The following GLRX3 variants were observed in gnomAD, a reference collection of about 807,000 sequenced individuals.
The protein encoded by GLRX3 is glutaredoxin 3.
A neutral mutation model predicts 49.5 loss-of-function variants in GLRX3; 22 were observed. The observed-to-expected ratio is 0.44, with a 90% CI of 0.32 to 0.63. The LOEUF (loss-of-function observed/expected upper bound fraction) is 0.63. Ranked by LOEUF, GLRX3 falls within the 30% of genes least tolerant of loss-of-function variation. The pLI, the probability that GLRX3 is intolerant of heterozygous loss-of-function variation, is 0.05. For missense variants in GLRX3, 385 were observed against 396.3 expected, an observed-to-expected ratio of 0.97 and a Z score of 0.24; for synonymous variants, 133 against 140.0, an observed-to-expected ratio of 0.95 and a Z score of 0.35.
intron 2 of GLRX3, among the ~76,000 whole-genome samples, chr10:130,148,610 A>G (rs1469276305): frequency 6.6e-6 from 1 of 151,850 alleles, no homozygotes; most frequent in East Asian, 1.9e-4. Flanking sequence ...ACAATTTCTT[A>G]TTTTGTAGGA....
At position 130,179,336 on chromosome 10, in the gene GLRX3, T is replaced by G; in HGVS notation, c.958-6T>G. On this transcript the variant is annotated splice_polypyrimidine_tract_variant and splice_region_variant and intron_variant, in intron 10 of 10. Transcript: ENST00000331244. The stretch of plus-strand genomic sequence containing the variant: ...ACATATTATTATTGTTGTTTTTTAT[T>G]TTTAGGAACTGAAAGAAAATGGTGA... 1 of 1,333,630 alleles carries G rather than the reference T, an allele frequency of 7.5e-7. No homozygotes were observed. The highest frequency in any genetic ancestry group is 1.3e-5 in the South Asian group (1 of 79,878). The allele number at this position is 1,333,630 out of a possible 1,614,324, so 82.6% of individuals were successfully genotyped here.
intron 1 of GLRX3, among the ~76,000 whole-genome samples, chr10:130,143,004 G>A (rs1266236371): frequency 6.6e-6 from 1 of 152,168 alleles, no homozygotes; most frequent in Non-Finnish European, 1.5e-5. Context: ...TATATCAGGT[G>A]CAGACTTCTT....
chr10:130,172,639 A>T (rs1209702984), intron 8 of GLRX3, among the ~76,000 whole-genome samples: 2 of 152,306 alleles, frequency 1.3e-5, no homozygotes, highest in East Asian at 1.9e-4. Context: ...ATACAATTTC[A>T]GGGACATAAA....
intron 2 of GLRX3, among the ~76,000 whole-genome samples, chr10:130,158,234 A>G (rs1862513803): frequency 6.7e-6 from 1 of 149,476 alleles, no homozygotes; most frequent in Non-Finnish European, 1.5e-5. Context: ...TTTTTTTGAG[A>G]CGGAGTTTTG....
chr10:130,160,458 C>T (rs1467651269), intron 3 of GLRX3, among the ~76,000 whole-genome samples: 2 of 152,158 alleles, frequency 1.3e-5, no homozygotes, highest in East Asian at 3.9e-4. Context: ...AGGTGCACAC[C>T]TGTGCTTCCA....
At chr10:130,178,515 A>T (rs1862965417) in intron 10 of GLRX3, among the ~76,000 whole-genome samples, 1 of 151,922 alleles carries the variant, frequency 6.6e-6, no homozygotes, top group Admixed American at 6.6e-5. Flanking sequence ...TGGCCTCTTA[A>T]AGTGCTGGGA....
In GLRX3 at chr10:130,143,457, ATAATTT is replaced by A. The variant is rs1314759475; in HGVS notation, c.93-1752_93-1747del. Among the ~76,000 whole-genome samples, 4 of 152,190 alleles carry A rather than the reference ATAATTT, an allele frequency of 2.6e-5. No individual in the cohort carries two copies. In the East Asian group the frequency reaches 7.7e-4, roughly 29 times the overall value. ...TATGACCATAGATATCTTTGCCAAG[ATAATTT>A]TGTGTGAAAACTAACTAAAATAGAT... On this transcript the variant is annotated intron_variant, in intron 1 of 10. Transcript: ENST00000331244.
intron 7 of GLRX3, among the ~76,000 whole-genome samples, chr10:130,170,099 G>T (rs1159776577): frequency 6.6e-6 from 1 of 152,180 alleles, no homozygotes; most frequent in African/African-American, 2.4e-5. Context: ...TTCAGATTGA[G>T]ATCAGAGTGG....
At chr10:130,150,063 C>G (rs1303099388) in intron 2 of GLRX3, among the ~76,000 whole-genome samples, 1 of 151,088 alleles carries the variant, frequency 6.6e-6, no homozygotes, top group Non-Finnish European at 1.5e-5. Flanking sequence ...ACGGTGAAAC[C>G]CCATCTCTAC....
intron 2 of GLRX3, among the ~76,000 whole-genome samples, chr10:130,149,996 T>C (rs1292026226): frequency 6.7e-6 from 1 of 148,822 alleles, no homozygotes; most frequent in African/African-American, 2.5e-5. Context: ...CCCAGCACTT[T>C]GGGAGGCCGA....
intron 3 of GLRX3, 77 bp from the exon 4 acceptor site, chr10:130,160,719 C>G (rs1300206743): frequency 1.2e-6 from 1 of 829,214 alleles, no homozygotes; most frequent in Non-Finnish European, 2.1e-6. Flanking sequence ...ATACTGTTGT[C>G]CCCTTTAAAA....
At chr10:130,169,282 A>G in intron 6 of GLRX3, 151 bp from the exon 7 acceptor site, 1 of 600,788 alleles carries the variant, frequency 1.7e-6, no homozygotes, top group South Asian at 2.0e-5. Flanking sequence ...GAAATCAAGG[A>G]AAATGTCAAC....
intron 2 of GLRX3, among the ~76,000 whole-genome samples, chr10:130,150,585 T>C (rs1041120333): frequency 1.3e-5 from 2 of 152,232 alleles, no homozygotes; most frequent in Non-Finnish European, 2.9e-5. Flanking sequence ...TTTTGCTTCT[T>C]GAAAAACAAG....
At chr10:130,162,517 A>G (rs146698752) in intron 4 of GLRX3, among the ~76,000 whole-genome samples, 1,904 of 152,308 alleles carry the variant, frequency 0.013, 46 homozygotes, top group African/African-American at 0.043. Context: ...TGCGGTGGCC[A>G]CTAAATGGGA....
chr10:130,136,827 G>A (rs1253512854), intron 1 of GLRX3, among the ~76,000 whole-genome samples: 2 of 152,228 alleles, frequency 1.3e-5, no homozygotes, highest in East Asian at 3.9e-4. Context: ...GGCCTGGGCG[G>A]CCCCGCCGCG....
At chr10:130,166,461 T>A in intron 4 of GLRX3, 46 bp from the exon 5 acceptor site, 11 of 1,433,202 alleles carry the variant, frequency 7.7e-6, no homozygotes, top group African/African-American at 1.4e-5. Context: ...GTGTATGTGT[T>A]TTGGGAGAGA....
rs550266018 is a variant in GLRX3, at chr10:130,163,253, C to T, written c.478+2256C>T. The stretch of plus-strand genomic sequence containing the variant: ...CAGCCTGGCCAACATGGCGAAACCC[C>T]GTCTCTACTAAAAATACAAAAATTA... On this transcript the variant is annotated intron_variant, in intron 4 of 10. Coordinates refer to ENST00000331244, the MANE Select transcript of GLRX3 (RefSeq NM_006541.5). Among the ~76,000 whole-genome samples the T allele has an allele frequency of 1.5e-4, 22 of 151,660 alleles. No individual in the cohort carries two copies. The South Asian group carries it at 2.7e-3, about 19-fold the overall frequency.
intron 10 of GLRX3, among the ~76,000 whole-genome samples, chr10:130,177,627 C>T (rs938140315): frequency 2.6e-5 from 4 of 152,198 alleles, no homozygotes; most frequent in African/African-American, 9.6e-5. Flanking sequence ...ACCTGAGGGC[C>T]ACCTGCCCTT....
At chr10:130,160,128 T>TGGATAAAGGTGGTACAAGAGATTATCCA in intron 3 of GLRX3, 59 bp downstream of exon 3, 2 of 986,342 alleles carry the variant, frequency 2.0e-6, no homozygotes, top group Non-Finnish European at 3.2e-6. Flanking sequence ...GGGCTACCTA[T>TGGATAAAGGTGGTACAAGAGATTATCCA]TTTGTTTCTT....
Sources: allele counts gnomAD v4.1 joint callset (sites outside exome capture counted in the v4.1 genomes callset), GRCh38; gene constraint gnomAD v4.1.1; transcripts MANE v1.5; gene names NCBI Gene and HGNC (gene_info 2026-07-23, HGNC 2026-07-21).